CNTNAP5: variants seen among roughly 807,000 people sequenced by gnomAD.
CNTNAP5 encodes the protein contactin-associated protein-like 5.
In CNTNAP5, 72 loss-of-function variants were observed where a neutral mutation model predicts 150.2. The observed-to-expected ratio is 0.48, with a 90% confidence interval of 0.40 to 0.58. The LOEUF is 0.58. CNTNAP5 is among the 20% of genes least tolerant of loss of function. CNTNAP5 has a pLI of 0.00. For missense variants in CNTNAP5, 1,636 were observed against 1,626.2 expected, an observed-to-expected ratio of 1.01 and a Z score of -0.10; for synonymous variants, 672 against 619.8, an observed-to-expected ratio of 1.08 and a Z score of -1.25.
chr2:124,446,987 C>T lies in CNTNAP5; in HGVS notation c.918+50C>T, dbSNP rs371831308. The T allele has an allele frequency of 2.9e-5, 45 of 1,557,902 alleles. No individual in the cohort carries two copies. The African/African-American group carries it at 3.2e-4, about 11-fold the overall frequency. ...CTCCTCGGCCCCTTGCTTCAATGAACGCAGCAAGAAAATCAGTGAGCAGAC... is the reference window on the plus strand; with the variant it reads ...CTCCTCGGCCCCTTGCTTCAATGAATGCAGCAAGAAAATCAGTGAGCAGAC... On this transcript the variant is annotated intron_variant, in intron 6 of 23. Coordinates refer to ENST00000682447, the MANE Select transcript of CNTNAP5 (RefSeq NM_001367498.1).
At position 124,162,676 on chromosome 2, in the gene CNTNAP5, ATT is replaced by A. The variant is rs1003125643; in HGVS notation, c.83-59024_83-59023del. Among the ~76,000 whole-genome samples, 206 of 152,308 alleles carry A rather than the reference ATT, an allele frequency of 1.4e-3. 2 individuals carry two copies. Among genetic ancestry groups the A allele is most frequent in the African/African-American group, 4.6e-3 (193 of 41,566 alleles). On this transcript the variant is annotated intron_variant, in intron 1 of 23. Transcript: ENST00000682447. ...AAATCAAGATAAGGGTAAGATTAAA[ATT>A]TTTTAAACTAGGATTTTATCTAAAA...
chr2:124,290,978 A>C (rs2104633789), intron 3 of CNTNAP5, among the ~76,000 whole-genome samples: 1 of 152,158 alleles, frequency 6.6e-6, no homozygotes, highest in Middle Eastern at 3.4e-3. Flanking sequence ...ATGAAATAGT[A>C]TGTGTGAAAA....
intron 11 of CNTNAP5, among the ~76,000 whole-genome samples, chr2:124,599,641 T>G (rs370967042): frequency 2.0e-5 from 3 of 152,226 alleles, no homozygotes; most frequent in African/African-American, 7.2e-5. Context: ...GAAGTACCAG[T>G]GAGATGATTT....
At chr2:124,171,202 T>C (rs1684924838) in intron 1 of CNTNAP5, among the ~76,000 whole-genome samples, 1 of 152,194 alleles carries the variant, frequency 6.6e-6, no homozygotes, top group South Asian at 2.1e-4. Context: ...TTGGCTCTCC[T>C]GTCCTCTGCA....
chr2:124,507,723 T>A (rs1694447266), intron 8 of CNTNAP5, among the ~76,000 whole-genome samples: 8 of 152,328 alleles, frequency 5.3e-5, no homozygotes, highest in Admixed American at 5.2e-4. Flanking sequence ...GCAGGTTTTC[T>A]CTACAGATGC....
intron 12 of CNTNAP5, among the ~76,000 whole-genome samples, chr2:124,617,125 A>G (rs941658223): frequency 1.3e-5 from 2 of 152,104 alleles, no homozygotes; most frequent in Non-Finnish European, 2.9e-5. Context: ...ACCAAAATGT[A>G]ACACAGAGAC....
At chr2:124,458,296 TATATA>T (rs1693169379) in intron 6 of CNTNAP5, among the ~76,000 whole-genome samples, 6 of 414 alleles carry the variant, frequency 0.014, no homozygotes, top group Admixed American at 0.083. Flanking sequence ...TAATATTTTA[TATATA>T]TATATATATA....
At chr2:124,815,141 C>A (rs1476049217) in intron 19 of CNTNAP5, among the ~76,000 whole-genome samples, 1 of 152,170 alleles carries the variant, frequency 6.6e-6, no homozygotes, top group Non-Finnish European at 1.5e-5. Flanking sequence ...GGGTGTCCAG[C>A]AACATAGGCC....
At chr2:124,223,362 C>G (rs1686375748) in intron 2 of CNTNAP5, among the ~76,000 whole-genome samples, 1 of 152,142 alleles carries the variant, frequency 6.6e-6, no homozygotes, top group African/African-American at 2.4e-5. Context: ...AGTCACTTAC[C>G]TCTGCCAACC....
At chr2:124,521,262 C>T (rs1454608897) in intron 8 of CNTNAP5, among the ~76,000 whole-genome samples, 1 of 152,208 alleles carries the variant, frequency 6.6e-6, no homozygotes, top group East Asian at 1.9e-4. Flanking sequence ...GCAATACCTG[C>T]ATTGAGAACT....
chr2:124,592,032 TGTAGTGTTAC>T (rs1696695999), intron 11 of CNTNAP5, among the ~76,000 whole-genome samples: 1 of 152,168 alleles, frequency 6.6e-6, no homozygotes, highest in South Asian at 2.1e-4. Context: ...AAGCTCAGCT[TGTAGTGTTAC>T]GTGTGGGGAT....
At chr2:124,096,315 G>A (rs78851563) in intron 1 of CNTNAP5, among the ~76,000 whole-genome samples, 1 of 151,986 alleles carries the variant, frequency 6.6e-6, no homozygotes, top group East Asian at 1.9e-4. Context: ...AAACATATGG[G>A]AGCCCTGCTG....
intron 11 of CNTNAP5, among the ~76,000 whole-genome samples, chr2:124,592,948 AT>A (rs1306989326): frequency 1.3e-5 from 2 of 150,888 alleles, no homozygotes; most frequent in Non-Finnish European, 3.0e-5. Context: ...ATGTTTGTTT[AT>A]TTTTTTAATT....
intron 8 of CNTNAP5, among the ~76,000 whole-genome samples, 174 bp downstream of exon 8, chr2:124,504,730 G>T (rs948124724): frequency 9.4e-5 from 11 of 116,756 alleles, no homozygotes; most frequent in Admixed American, 7.4e-4. Context: ...TTTTTTTGAA[G>T]ATGGAGTCTT....
At chr2:124,498,864 T>C (rs2104857557) in intron 7 of CNTNAP5, among the ~76,000 whole-genome samples, 1 of 152,188 alleles carries the variant, frequency 6.6e-6, no homozygotes, top group South Asian at 2.1e-4. Flanking sequence ...ACAAGACAGA[T>C]GTTAAAGATG....
intron 12 of CNTNAP5, among the ~76,000 whole-genome samples, chr2:124,641,256 G>A (rs773132417): frequency 4.0e-5 from 6 of 151,880 alleles, no homozygotes; most frequent in Non-Finnish European, 7.4e-5. Flanking sequence ...GAGTTATGCC[G>A]TTTACAGAGG....
Position 124,822,697 on chromosome 2 carries a change from G to A in CNTNAP5, c.3217+24377G>A, listed in dbSNP as rs545913570. Among the ~76,000 whole-genome samples, 9 of 152,242 alleles carry A rather than the reference G, an allele frequency of 5.9e-5. No individual in the cohort carries two copies. The South Asian group carries it at 1.5e-3, about 25-fold the overall frequency. Reference sequence around the variant, plus strand: ...CTGAGTCATTTCACTTCAGATCTGTGATGTTTATACAGCAAATGCAGATGT... The same window carrying A: ...CTGAGTCATTTCACTTCAGATCTGTAATGTTTATACAGCAAATGCAGATGT... On this transcript the variant is annotated intron_variant, in intron 19 of 23. Transcript: ENST00000682447.
chr2:124,506,571 T>C (rs775739838), intron 8 of CNTNAP5, among the ~76,000 whole-genome samples: 2 of 152,166 alleles, frequency 1.3e-5, no homozygotes, highest in Admixed American at 6.6e-5. Context: ...CCCCTGAGCA[T>C]AGCAGAAAGG....
intron 12 of CNTNAP5, among the ~76,000 whole-genome samples, chr2:124,638,815 A>G (rs1021144868): frequency 6.6e-6 from 1 of 152,244 alleles, no homozygotes; most frequent in Non-Finnish European, 1.5e-5. Context: ...TTTACAATAT[A>G]CAGTGGAAAT....
Sources: gnomAD v4.1 joint callset for allele counts (sites outside exome capture counted in the v4.1 genomes callset) on GRCh38, gnomAD v4.1.1 for gene constraint, MANE v1.5 for transcripts, NCBI Gene and HGNC (gene_info 2026-07-23, HGNC 2026-07-21) for gene names.